Variants in PHKB observed in about 807,000 individuals in gnomAD.
PHKB encodes the protein phosphorylase kinase regulatory subunit beta, also known as phosphorylase b kinase regulatory subunit beta.
Under a neutral mutation model 152.1 loss-of-function variants are expected in PHKB, and 122 were observed. The observed-to-expected ratio is 0.80, with a 90% CI of 0.69 to 0.93. The LOEUF (loss-of-function observed/expected upper bound fraction) is 0.93. PHKB is among the 40% of genes least tolerant of loss of function. The probability of loss-of-function intolerance (pLI) is 0.00; values close to 1 mark genes in which losing one functional copy is unlikely to be tolerated. For missense variants in PHKB, 1,304 were observed against 1,328.4 expected, an observed-to-expected ratio of 0.98 and a Z score of 0.29; for synonymous variants, 436 against 464.9, an observed-to-expected ratio of 0.94 and a Z score of 0.80.
chr16:47,588,876 T>C, intron 9 of PHKB, 29 bp from the exon 10 acceptor site: 1 of 1,582,178 alleles, frequency 6.3e-7, no homozygotes, highest in South Asian at 1.1e-5. Flanking sequence ...CTGTGGACAC[T>C]CACAGTCTCT....
chr16:47,667,460 C>G (rs1289129187), intron 25 of PHKB, among the ~76,000 whole-genome samples: 1 of 151,452 alleles, frequency 6.6e-6, no homozygotes, highest in Admixed American at 6.6e-5. Flanking sequence ...AATACAAAAA[C>G]TCCTAAGAAA....
intron 7 of PHKB, chr16:47,566,536 T>C (rs1971570316): frequency 6.3e-7 from 1 of 1,598,044 alleles, no homozygotes; most frequent in Non-Finnish European, 8.5e-7. Context: ...ACTGCACTGA[T>C]ATTTAGTCCT....
chr16:47,522,119 C>T (rs1009538064), intron 6 of PHKB, among the ~76,000 whole-genome samples: 16 of 152,040 alleles, frequency 1.1e-4, no homozygotes, highest in Admixed American at 1.0e-3. Flanking sequence ...GAAATGTTTC[C>T]TCTTCTATTT....
At chr16:47,489,334 A>G (rs1970105411) in intron 1 of PHKB, among the ~76,000 whole-genome samples, 2 of 152,226 alleles carry the variant, frequency 1.3e-5, no homozygotes, top group African/African-American at 4.8e-5. Context: ...AATGTGTGAT[A>G]TGTTTTGAAA....
intron 25 of PHKB, chr16:47,665,276 G>A: frequency 3.1e-6 from 1 of 326,210 alleles, no homozygotes; most frequent in African/African-American, 2.2e-5. Context: ...AGTTCCACGA[G>A]AATTTTTACT....
At chr16:47,612,549 G>A (rs574126279) in intron 14 of PHKB, among the ~76,000 whole-genome samples, 9 of 152,152 alleles carry the variant, frequency 5.9e-5, no homozygotes, top group Non-Finnish European at 1.2e-4. Context: ...TCACTCTACA[G>A]GTATGTTTTA....
intron 26 of PHKB, among the ~76,000 whole-genome samples, chr16:47,682,638 G>C (rs543707350): frequency 6.6e-6 from 1 of 152,106 alleles, no homozygotes; most frequent in Non-Finnish European, 1.5e-5. Context: ...ACTTCTCTGC[G>C]TTGGTTATTC....
chr16:47,621,679 C>G (rs559376155), intron 14 of PHKB, among the ~76,000 whole-genome samples: 48 of 152,228 alleles, frequency 3.2e-4, no homozygotes, highest in African/African-American at 1.1e-3. Flanking sequence ...AATTTGAGTA[C>G]TGAATAGAAG....
chr16:47,691,011 C>T (rs1974050448), intron 27 of PHKB, among the ~76,000 whole-genome samples: 1 of 151,990 alleles, frequency 6.6e-6, no homozygotes, highest in Non-Finnish European at 1.5e-5. Context: ...TTTGAGTCCA[C>T]GAGTTTGAGA....
rs749138549 is a variant in PHKB, at chr16:47,661,720, A to G, written c.2198A>G (p.Asp733Gly). 1 of 1,608,180 alleles carries G rather than the reference A, an allele frequency of 6.2e-7. No individual in the cohort carries two copies. The highest frequency in any genetic ancestry group is 1.7e-5 in the Admixed American group (1 of 59,970). The change falls in exon 23 of 31, where the codon GAT becomes GGT. Residue 733 changes from aspartate to glycine, a missense_variant and splice_region_variant. Physicochemically the swap from Asp to Gly is moderately conservative, Grantham distance 94. Transcript: ENST00000323584. ...PTHEILQKLNDCSCLASQAIL... is the reference protein window; with the variant it reads ...PTHEILQKLNGCSCLASQAIL... ...CCTCACCGTGATTTATATTTTCAGG[A>G]TTGCAGTTGTCTGGCTAGCCAAGCC...
At chr16:47,628,588 A>G (rs1972755597) in intron 14 of PHKB, among the ~76,000 whole-genome samples, 1 of 152,342 alleles carries the variant, frequency 6.6e-6, no homozygotes, top group South Asian at 2.1e-4. Context: ...TACAATTGCA[A>G]AAATTAGAAT....
At chr16:47,580,223 T>C in intron 7 of PHKB, 72 bp from the exon 8 acceptor site, 2 of 1,111,832 alleles carry the variant, frequency 1.8e-6, no homozygotes, top group Non-Finnish European at 2.7e-6. Context: ...CTCGTGAATA[T>C]TCATCAGATA....
intron 6 of PHKB, among the ~76,000 whole-genome samples, chr16:47,537,284 G>T (rs1970968466): frequency 6.6e-6 from 1 of 152,198 alleles, no homozygotes; most frequent in Admixed American, 6.5e-5. Context: ...TCTAGCAAAG[G>T]CTCTCCAATG....
At chr16:47,639,485 G>T (rs1436121971) in intron 14 of PHKB, among the ~76,000 whole-genome samples, 1 of 152,130 alleles carries the variant, frequency 6.6e-6, no homozygotes, top group Non-Finnish European at 1.5e-5. Flanking sequence ...GTGGTAGATG[G>T]TTTGTGAACC....
At chr16:47,590,054 T>G (rs552693644) in intron 10 of PHKB, among the ~76,000 whole-genome samples, 1 of 152,224 alleles carries the variant, frequency 6.6e-6, no homozygotes, top group African/African-American at 2.4e-5. Context: ...CCTCCTAAAG[T>G]GCTGGGATTA....
intron 13 of PHKB, among the ~76,000 whole-genome samples, chr16:47,603,435 T>A (rs1020272736): frequency 2.6e-5 from 4 of 152,106 alleles, no homozygotes; most frequent in African/African-American, 7.2e-5. Context: ...GGGAAGCACA[T>A]GTAGTATTAC....
intron 25 of PHKB, among the ~76,000 whole-genome samples, chr16:47,668,524 G>GA (rs1973579072): frequency 6.6e-6 from 1 of 152,142 alleles, no homozygotes; most frequent in South Asian, 2.1e-4. Flanking sequence ...CAAGTATAGA[G>GA]GAGAGAGAGA....
chr16:47,507,317 AT>A (rs376295915), intron 4 of PHKB, among the ~76,000 whole-genome samples: 22 of 148,010 alleles, frequency 1.5e-4, no homozygotes, highest in East Asian at 6.0e-4. Flanking sequence ...AAGGATTATC[AT>A]TTTTTTTTTC....
In PHKB at chr16:47,580,298, G is replaced by T. The variant is rs772326970; in HGVS notation, c.714G>T (p.Ser238=). The part of the protein sequence containing the change: ...NNGSTELHSS[S]VGLAKAALEA... The stretch of plus-strand genomic sequence containing the variant: ...AGCATTTCCTTTTCTCTTTTAGCTC[G>T]GTTGGTTTAGCAAAAGCAGCTCTAG... The change falls in exon 8 of 31, where the codon TCG becomes TCT. Residue 238 remains serine (S), a synonymous_variant. Transcript: ENST00000323584. 3.1e-6 allele frequency: 5 copies of T among 1,611,534 alleles called. No homozygotes were observed. The highest frequency in any genetic ancestry group is 2.2e-5 in the East Asian group (1 of 44,700).
Sources: gnomAD v4.1 joint callset for allele counts (sites outside exome capture counted in the v4.1 genomes callset) on GRCh38, gnomAD v4.1.1 for gene constraint, MANE v1.5 for transcripts, NCBI Gene and HGNC (gene_info 2026-07-23, HGNC 2026-07-21) for gene names.